CHAF1A: variants seen among roughly 807,000 people sequenced by gnomAD.
The protein encoded by CHAF1A is chromatin assembly factor 1 subunit A.
CHAF1A carries 5 observed loss-of-function variants against 93.2 expected under a neutral mutation model. The ratio of observed to expected loss-of-function variants is 0.05; its 90% CI spans 0.03 to 0.11. CHAF1A has a LOEUF of 0.11. Among genes scored for constraint, CHAF1A ranks in the 10% least tolerant of loss-of-function variants. CHAF1A has a pLI of 1.00. For missense variants in CHAF1A, 1,102 were observed against 1,259.9 expected (o/e 0.87, Z 1.90); for synonymous variants, 504 against 510.3 (o/e 0.99, Z 0.17).
chr19:4,446,382 G>T, downstream of CHAF1A: 1 of 1,576,746 alleles, frequency 6.3e-7, no homozygotes. Flanking sequence ...GCCTTGGTCC[G>T]CAGCACGCTC....
downstream of CHAF1A, chr19:4,448,201 T>C: frequency 5.3e-6 from 5 of 949,726 alleles, no homozygotes; most frequent in Non-Finnish European, 6.4e-6. Flanking sequence ...CGGCCTATGC[T>C]CCTTCCCAAC....
At chr19:4,429,973 T>C (rs1974151829) in intron 10 of CHAF1A, 185 bp downstream of exon 10, 1 of 587,152 alleles carries the variant, frequency 1.7e-6, no homozygotes, top group Admixed American at 3.2e-5. Context: ...TCGAAAAATC[T>C]CATCTGGTGA....
At chr19:4,423,754 A>G (rs878991105) in intron 6 of CHAF1A, 52 bp from the exon 7 acceptor site, 1 of 1,561,518 alleles carries the variant, frequency 6.4e-7, no homozygotes, top group South Asian at 1.1e-5. Context: ...TTTGCAACAC[A>G]TACTGTTCCT....
chr19:4,442,966 G>A lies in CHAF1A; in HGVS notation c.2812G>A (p.Gly938Ser), dbSNP rs1426449371. The A allele has an allele frequency of 1.2e-6, 2 of 1,604,734 alleles. No homozygotes were observed. The highest frequency in any genetic ancestry group is 1.7e-6 in the Non-Finnish European group (2 of 1,176,470). ...PCGAASGAGG[G>S]VGVDTGKATL... The stretch of plus-strand genomic sequence containing the variant: ...TGGAGCCGCTTCCGGAGCTGGGGGT[G>A]GTGTGGGGGTGGACACCGGCAAGGC... Residue 938 changes from glycine (G) to serine (S), a missense_variant, in exon 15 of 15, where the codon GGT becomes AGT. Transcript: ENST00000301280.
chr19:4,409,696 G>T lies in CHAF1A; in HGVS notation c.897G>T (p.Pro299=), dbSNP rs773306436. 1 of 1,614,078 alleles carries T rather than the reference G, an allele frequency of 6.2e-7. No homozygotes were observed. ...CTTCCACCAGCTCGCCCGAGGGGCC[G>T]CCTGCTCCCCCAAAGCAGCACAGCA... The part of the protein sequence containing the change: ...SPSSTSSPEG[P]PAPPKQHSST... Residue 299 remains proline (P), a synonymous_variant, in exon 3 of 15, where the codon CCG becomes CCT. Coordinates refer to ENST00000301280, the MANE Select transcript of CHAF1A (RefSeq NM_005483.3).
At chr19:4,437,117 G>A (rs183152401) in intron 13 of CHAF1A, among the ~76,000 whole-genome samples, 156 of 152,290 alleles carry the variant, frequency 1.0e-3, no homozygotes, top group African/African-American at 3.6e-3. Flanking sequence ...GGCCTCCTGG[G>A]GCTCAGCAGT....
chr19:4,404,163 C>A (rs968801014), intron 1 of CHAF1A, among the ~76,000 whole-genome samples: 2 of 152,074 alleles, frequency 1.3e-5, no homozygotes, highest in Admixed American at 1.3e-4. Context: ...CTCGCTAGGA[C>A]CATGCTATCA....
At chr19:4,446,121 A>G (rs1162216255), downstream of CHAF1A, 1 of 1,612,442 alleles carries the variant, frequency 6.2e-7, no homozygotes, top group Admixed American at 1.7e-5. Flanking sequence ...GCAGCTCAAA[A>G]GGCAGCCAGT....
Position 4,432,133 on chromosome 19 carries a change from G to T in CHAF1A, c.2129G>T (p.Cys710Phe). The T allele has an allele frequency of 6.2e-7, 1 of 1,613,488 alleles. No individual in the cohort carries two copies. The highest frequency in any genetic ancestry group is 8.5e-7 in the Non-Finnish European group (1 of 1,179,884). Residue 710 changes from cysteine (C) to phenylalanine (F), a missense_variant, in exon 12 of 15, where the codon TGC (cysteine) becomes TTC (phenylalanine). Transcript: ENST00000301280. ...DLKVLQQFAA[C>F]FLETLPAQEE... ...AAGGTACTGCAGCAGTTCGCAGCCT[G>T]CTTCCTGGAGACCCTGCCGGCCCAG...
intron 3 of CHAF1A, among the ~76,000 whole-genome samples, chr19:4,416,673 TG>T (rs1238544031): frequency 6.6e-6 from 1 of 152,208 alleles, no homozygotes; most frequent in African/African-American, 2.4e-5. Context: ...GTGGATCACC[TG>T]AGGTCAGGAG....
At position 4,422,481 on chromosome 19, in the gene CHAF1A, C is replaced by T. The variant is rs1786583085; in HGVS notation, c.1018-85C>T. On this transcript the variant is annotated intron_variant, in intron 4 of 14. Transcript: ENST00000301280. The surrounding 1 kb of genome is among the most constrained non-coding windows in gnomAD (Gnocchi z 4.6). ...CTCAATTCTGTTCATCCCGTCCAGG[C>T]CGTGCTGTCCTCCATGCTGTGAACC... 8.3e-7 allele frequency: 1 copy of T among 1,210,734 alleles called. No individual in the cohort carries two copies. The highest frequency in any genetic ancestry group is 1.4e-5 in the South Asian group (1 of 73,812). 75.0% of individuals were successfully genotyped at this position (1,210,734 alleles called of 1,614,324 possible).
intron 1 of CHAF1A, among the ~76,000 whole-genome samples, chr19:4,405,625 T>A (rs533305423): frequency 5.0e-4 from 70 of 141,106 alleles, no homozygotes; most frequent in East Asian, 4.1e-4. Context: ...AAAAAAAAAA[T>A]TTTTTTTTTT....
chr19:4,418,338 A>G (rs1293471232), intron 4 of CHAF1A, among the ~76,000 whole-genome samples: 1 of 151,538 alleles, frequency 6.6e-6, no homozygotes, highest in Non-Finnish European at 1.5e-5. Flanking sequence ...CACTGTCTTA[A>G]TGGTTCAGTA....
intron 13 of CHAF1A, 144 bp from the exon 14 acceptor site, chr19:4,442,101 C>T (rs1429145843): frequency 9.2e-6 from 6 of 650,232 alleles, no homozygotes; most frequent in African/African-American, 1.8e-5. Flanking sequence ...CAGTTTGTTA[C>T]CAAATTGGGT....
chr19:4,448,216 C>T (rs1974579206), downstream of CHAF1A: 1 of 1,095,234 alleles, frequency 9.1e-7, no homozygotes, highest in African/African-American at 1.5e-5. Context: ...CCCAACCCAC[C>T]TCAGCAGGTA....
In CHAF1A at chr19:4,443,176, C is replaced by A. The variant is rs1312965783; in HGVS notation, c.*151C>A. 5 of 666,606 alleles carry A rather than the reference C, an allele frequency of 7.5e-6. No individual in the cohort carries two copies. In the Admixed American group the frequency reaches 1.2e-4, roughly 15 times the overall value. 41.3% of individuals were successfully genotyped at this position (666,606 alleles called of 1,614,324 possible). On this transcript the variant is annotated 3_prime_UTR_variant, in exon 15 of 15. Transcript: ENST00000301280. Reference sequence around the variant, plus strand: ...TTCTATATAGGATGCTGGATTAGTTCCTTTGATATTTGTAAAAATTCCCCC... The same window carrying A: ...TTCTATATAGGATGCTGGATTAGTTACTTTGATATTTGTAAAAATTCCCCC...
chr19:4,409,135 G>A lies in CHAF1A; in HGVS notation c.336G>A (p.Gln112=). The change falls in exon 3 of 15, where the codon CAG becomes CAA. Residue 112 remains glutamine (Q), a synonymous_variant. Transcript: ENST00000301280. ...LRNRIETSIG[Q]STVIIDLTED... ...ATAGAATCGAAACCAGTATTGGCCA[G>A]AGCACAGTCATCATTGATTTGACAG... 1 of 1,614,204 alleles carries A rather than the reference G, an allele frequency of 6.2e-7. No homozygotes were observed. The highest frequency in any genetic ancestry group is 8.5e-7 in the Non-Finnish European group (1 of 1,180,046).
At position 4,420,479 on chromosome 19, in the gene CHAF1A, G is replaced by T. The variant is rs945993349; in HGVS notation, c.1018-2087G>T. Among the ~76,000 whole-genome samples, 6 of 152,178 alleles carry T rather than the reference G, an allele frequency of 3.9e-5. No homozygotes were observed. In the East Asian group the frequency reaches 1.2e-3, roughly 29 times the overall value. ...GCTGGTCTCGAACTCCTGACCTCAA[G>T]TAATCCGCCTGCCTCGGCTTCCCAA... On this transcript the variant is annotated intron_variant, in intron 4 of 14. Coordinates refer to ENST00000301280, the MANE Select transcript of CHAF1A (RefSeq NM_005483.3).
downstream of CHAF1A, chr19:4,448,454 C>T (rs1446245567): frequency 6.5e-7 from 1 of 1,544,494 alleles, no homozygotes; most frequent in Non-Finnish European, 8.8e-7. Context: ...TCACTGAGAG[C>T]CCGGGCCGCA....
Sources: allele counts gnomAD v4.1 joint callset (sites outside exome capture counted in the v4.1 genomes callset), GRCh38; gene constraint gnomAD v4.1.1; non-coding constraint Gnocchi (gnomAD v3.1); transcripts MANE v1.5; gene names NCBI Gene and HGNC (gene_info 2026-07-23, HGNC 2026-07-21).